Variants in CCSER1 observed in about 807,000 individuals in gnomAD.
The protein encoded by CCSER1 is coiled-coil serine rich protein 1, also known as serine-rich coiled-coil domain-containing protein 1.
Under a neutral mutation model 82.0 loss-of-function variants are expected in CCSER1, and 41 were observed. The observed-to-expected ratio is 0.50, with a 90% confidence interval of 0.39 to 0.65. The LOEUF is 0.65. CCSER1 is among the 30% of genes least tolerant of loss of function. The pLI is 0.00. For missense variants in CCSER1, 1,119 were observed against 1,064.2 expected, an observed-to-expected ratio of 1.05 and a Z score of -0.72; for synonymous variants, 414 against 383.9, an observed-to-expected ratio of 1.08 and a Z score of -0.92.
intron 9 of CCSER1, among the ~76,000 whole-genome samples, chr4:90,966,610 GAA>G (rs1734586695): frequency 6.6e-6 from 1 of 152,122 alleles, no homozygotes; most frequent in South Asian, 2.1e-4. Flanking sequence ...CCTTCAGACT[GAA>G]AGAGAAGGAC....
At chr4:91,311,473 C>T (rs928475135) in intron 10 of CCSER1, among the ~76,000 whole-genome samples, 4 of 151,804 alleles carry the variant, frequency 2.6e-5, no homozygotes, top group Admixed American at 2.6e-4. Context: ...CAATATTTTT[C>T]ACAACAGCAG....
At chr4:90,317,028 A>G in intron 3 of CCSER1, among the ~76,000 whole-genome samples, 1 of 152,190 alleles carries the variant, frequency 6.6e-6, no homozygotes, top group East Asian at 1.9e-4. Flanking sequence ...TTGTCCAAAA[A>G]ATTTAAAATG....
rs1415485631 is a variant in CCSER1 at position 91,575,253 on chromosome 4, C to T, written c.2218-23319C>T. On this transcript the variant is annotated intron_variant, in intron 10 of 10. Transcript: ENST00000509176. The stretch of plus-strand genomic sequence containing the variant: ...AAAGATTTAAACATAAGACCTAAAA[C>T]CATAAACCTCCTAAAAGAAAACCCA... Among the ~76,000 whole-genome samples the T allele has an allele frequency of 2.0e-5, 3 of 151,990 alleles. No individual in the cohort carries two copies. The East Asian group carries it at 5.8e-4, about 29-fold the overall frequency.
intron 9 of CCSER1, among the ~76,000 whole-genome samples, chr4:90,978,188 G>A (rs1204238051): frequency 6.6e-6 from 1 of 151,424 alleles, no homozygotes; most frequent in Non-Finnish European, 1.5e-5. Context: ...AACTGTGTGG[G>A]GACAGACCAA....
At chr4:90,730,785 G>A (rs1359600652) in intron 7 of CCSER1, among the ~76,000 whole-genome samples, 4 of 152,124 alleles carry the variant, frequency 2.6e-5, no homozygotes, top group Non-Finnish European at 5.9e-5. Flanking sequence ...AATAACAACT[G>A]CAAAAGCAAG....
chr4:91,490,070 T>C (rs1435769313), intron 10 of CCSER1, among the ~76,000 whole-genome samples: 1 of 152,170 alleles, frequency 6.6e-6, no homozygotes, highest in Non-Finnish European at 1.5e-5. Context: ...AAATGGCTTA[T>C]ATACAAAAGA....
rs150200852 is a variant in CCSER1, at chr4:90,932,241, C to G, written c.2172+8794C>G. On this transcript the variant is annotated intron_variant, in intron 9 of 10. Transcript: ENST00000509176. ...AGAATGTAATTTGCATTTCAGAGTA[C>G]TGAAAGCATCAAAGTTCTATACATA... is the stretch of plus-strand genomic sequence containing the variant. Among the ~76,000 whole-genome samples, 825 of 152,154 alleles carry G rather than the reference C, an allele frequency of 5.4e-3. 43 individuals carry two copies. The East Asian group carries it at 0.12, about 23-fold the overall frequency.
intron 7 of CCSER1, among the ~76,000 whole-genome samples, chr4:90,752,533 G>T (rs996114283): frequency 6.6e-6 from 1 of 151,952 alleles, no homozygotes; most frequent in African/African-American, 2.4e-5. Flanking sequence ...ACAAATTTTG[G>T]TGCTCTAATT....
intron 3 of CCSER1, among the ~76,000 whole-genome samples, chr4:90,356,492 C>T (rs567884927): frequency 1.3e-5 from 2 of 151,672 alleles, no homozygotes; most frequent in Admixed American, 1.3e-4. Flanking sequence ...GGGAATGAGA[C>T]TATGTTAAAC....
intron 9 of CCSER1, among the ~76,000 whole-genome samples, chr4:91,025,400 T>C (rs2150539204): frequency 6.6e-6 from 1 of 152,292 alleles, no homozygotes; most frequent in South Asian, 2.1e-4. Flanking sequence ...TTTCACTTCA[T>C]TCATTCTTTC....
At chr4:91,113,298 C>T (rs1726247157) in intron 10 of CCSER1, among the ~76,000 whole-genome samples, 1 of 152,154 alleles carries the variant, frequency 6.6e-6, no homozygotes, top group African/African-American at 2.4e-5. Context: ...TTGAGATTTG[C>T]AGGAATTACC....
intron 9 of CCSER1, among the ~76,000 whole-genome samples, chr4:90,934,172 C>G (rs912693237): frequency 1.3e-5 from 2 of 151,870 alleles, no homozygotes; most frequent in African/African-American, 4.8e-5. Flanking sequence ...GGCTCATTAT[C>G]AAATGAGTTA....
intron 10 of CCSER1, among the ~76,000 whole-genome samples, chr4:91,239,076 C>T (rs1374376292): frequency 1.3e-5 from 2 of 151,704 alleles, no homozygotes; most frequent in Admixed American, 6.6e-5. Context: ...CCCCCCACCT[C>T]AGCCTCCCAA....
intron 7 of CCSER1, among the ~76,000 whole-genome samples, chr4:90,782,331 T>A (rs1753884789): frequency 6.6e-6 from 1 of 152,232 alleles, no homozygotes; most frequent in African/African-American, 2.4e-5. Context: ...ATTCATTCAT[T>A]CATTCAATTA....
intron 5 of CCSER1, among the ~76,000 whole-genome samples, chr4:90,483,974 A>T (rs1365907690): frequency 6.6e-6 from 1 of 152,184 alleles, no homozygotes; most frequent in Admixed American, 6.5e-5. Context: ...GTGTTTTCCA[A>T]CTTGGTTCCA....
chr4:90,379,846 A>G (rs1452556589), intron 3 of CCSER1, among the ~76,000 whole-genome samples: 4 of 152,146 alleles, frequency 2.6e-5, no homozygotes, highest in African/African-American at 9.7e-5. Context: ...AGCATAGTGG[A>G]TTTGGCTTCT....
At chr4:90,554,800 G>A (rs1160559694) in intron 5 of CCSER1, among the ~76,000 whole-genome samples, 1 of 152,154 alleles carries the variant, frequency 6.6e-6, no homozygotes, top group African/African-American at 2.4e-5. Context: ...CGTTTTTAAG[G>A]GAGATATCTG....
Position 91,100,610 on chromosome 4 carries a change from C to T in CCSER1, c.2217+14616C>T, listed in dbSNP as rs531431376. 3.3e-5 allele frequency among the ~76,000 whole-genome samples: 5 copies of T among 152,220 alleles called. No individual in the cohort carries two copies. The South Asian group carries it at 8.3e-4, about 25-fold the overall frequency. On this transcript the variant is annotated intron_variant, in intron 10 of 10. Transcript: ENST00000509176. The stretch of plus-strand genomic sequence containing the variant: ...TTCTACTTTGGAATCTTTATTTAAC[C>T]TCAAATATTCTATTTCCACATGTTA...
intron 10 of CCSER1, among the ~76,000 whole-genome samples, chr4:91,501,712 T>C (rs1174729436): frequency 1.3e-5 from 2 of 152,126 alleles, no homozygotes; most frequent in Non-Finnish European, 2.9e-5. Flanking sequence ...TTACCTTTTA[T>C]CTTTCATCAT....
Sources: gnomAD v4.1 joint callset for allele counts (sites outside exome capture counted in the v4.1 genomes callset) on GRCh38, gnomAD v4.1.1 for gene constraint, MANE v1.5 for transcripts, NCBI Gene and HGNC (gene_info 2026-07-23, HGNC 2026-07-21) for gene names.